SYCP1: variants seen among roughly 807,000 people sequenced by gnomAD.
The protein encoded by SYCP1 is synaptonemal complex protein 1.
Under a neutral mutation model 153.1 loss-of-function variants are expected in SYCP1, and 64 were observed. The observed-to-expected ratio is 0.42, with a 90% CI of 0.34 to 0.51. SYCP1 has a LOEUF of 0.51. SYCP1 is among the 20% of genes least tolerant of loss of function. The probability of loss-of-function intolerance (pLI) is 0.06; values close to 1 mark genes in which losing one functional copy is unlikely to be tolerated. For missense variants in SYCP1, 997 were observed against 1,049.0 expected, an observed-to-expected ratio of 0.95 and a Z score of 0.68; for synonymous variants, 384 against 341.8, an observed-to-expected ratio of 1.12 and a Z score of -1.36.
At position 114,981,012 on chromosome 1, in the gene SYCP1, C is replaced by T. The variant is rs577357317; in HGVS notation, c.2383-324C>T. Reference sequence around the variant, plus strand: ...ATGTGTTCTCATGATTTAGCTCCCACTTATAAATGAGTCCATGTGGTATTT... The same window carrying T: ...ATGTGTTCTCATGATTTAGCTCCCATTTATAAATGAGTCCATGTGGTATTT... On this transcript the variant is annotated intron_variant, in intron 28 of 31. Coordinates refer to ENST00000369522, the MANE Select transcript of SYCP1 (RefSeq NM_003176.4). 1.6e-4 allele frequency among the ~76,000 whole-genome samples: 25 copies of T among 151,998 alleles called. No homozygotes were observed. In the South Asian group the frequency reaches 2.5e-3, roughly 15 times the overall value.
At chr1:114,873,784 G>A (rs576424438) in intron 8 of SYCP1, among the ~76,000 whole-genome samples, 19 of 152,212 alleles carry the variant, frequency 1.2e-4, no homozygotes, top group Admixed American at 1.2e-3. Flanking sequence ...TTGAGATAGA[G>A]TCTCACTCTG....
Position 114,965,805 on chromosome 1 carries a change from T to C in SYCP1, c.2323-11752T>C, listed in dbSNP as rs1672087397. Among the ~76,000 whole-genome samples the C allele has an allele frequency of 2.0e-5, 3 of 152,166 alleles. No homozygotes were observed. The South Asian group carries it at 6.2e-4, about 32-fold the overall frequency. ...TCATCAGGGATATTGGCCTGAAATT[T>C]TCCTTTTTTGTTGTGTCTCTGCCAG... On this transcript the variant is annotated intron_variant, in intron 27 of 31. Transcript: ENST00000369522.
Position 114,944,403 on chromosome 1 carries a change from A to G in SYCP1, c.1991A>G (p.Tyr664Cys), listed in dbSNP as rs1309121800. ...AAATTTGGAGAAATCACAGACACCT[A>G]TCAGAAAGAAATTGAGGACAAAAAG... The part of the protein sequence containing the change: ...KQKFGEITDT[Y>C]QKEIEDKKIS... The change falls in exon 24 of 32, where the codon TAT becomes TGT. Residue 664 changes from tyrosine (Y) to cysteine (C), a missense_variant. Physicochemically the swap from Tyr to Cys is radical, Grantham distance 194. Coordinates refer to ENST00000369522, the MANE Select transcript of SYCP1 (RefSeq NM_003176.4). 1.2e-6 allele frequency: 2 copies of G among 1,605,862 alleles called. No individual in the cohort carries two copies. The highest frequency in any genetic ancestry group is 1.7e-6 in the Non-Finnish European group (2 of 1,176,618).
chr1:114,990,010 A>G (rs1332488554), intron 30 of SYCP1, among the ~76,000 whole-genome samples: 1 of 151,956 alleles, frequency 6.6e-6, no homozygotes, highest in Non-Finnish European at 1.5e-5. Flanking sequence ...GGTCTAACAG[A>G]CATGTATAAC....
In SYCP1 at chr1:114,858,601, A is replaced by G; in HGVS notation, c.346A>G (p.Ile116Val). The G allele has an allele frequency of 6.2e-7, 1 of 1,613,106 alleles. No individual in the cohort carries two copies. The highest frequency in any genetic ancestry group is 8.5e-7 in the Non-Finnish European group (1 of 1,179,442). ...YSKLYKEAEK[I>V]KKWKVSTEAE... is the part of the protein sequence containing the mutation. Reference sequence around the variant, plus strand: ...AAAACTGTATAAGGAGGCTGAAAAGATAAAAAAATGGAAAGTAAGTACAGA... The same window carrying G: ...AAAACTGTATAAGGAGGCTGAAAAGGTAAAAAAATGGAAAGTAAGTACAGA... Residue 116 changes from isoleucine to valine, a missense_variant, in exon 6 of 32, where the codon ATA becomes GTA. This residue lies in a region of SYCP1 where 285 missense variants were observed against 366.1 expected (regional missense o/e 0.78). Coordinates refer to ENST00000369522, the MANE Select transcript of SYCP1 (RefSeq NM_003176.4).
At chr1:114,983,743 A>C (rs1400328262) in intron 29 of SYCP1, among the ~76,000 whole-genome samples, 1 of 151,522 alleles carries the variant, frequency 6.6e-6, no homozygotes, top group African/African-American at 2.4e-5. Context: ...AAGAATAAGC[A>C]CTCTCCAGGT....
intron 20 of SYCP1, among the ~76,000 whole-genome samples, chr1:114,920,458 T>A (rs1404024702): frequency 6.6e-6 from 1 of 152,108 alleles, no homozygotes; most frequent in Non-Finnish European, 1.5e-5. Context: ...ATTCTGCAAT[T>A]GTTGGATGAA....
At chr1:114,895,552 A>C (rs1667004571) in intron 16 of SYCP1, 43 bp downstream of exon 16, 1 of 1,090,694 alleles carries the variant, frequency 9.2e-7, no homozygotes, top group Non-Finnish European at 1.3e-6. Context: ...ATTACTTTTC[A>C]GAAGAATATT....
chr1:114,876,914 TATGA>T, intron 11 of SYCP1, 104 bp downstream of exon 11: 1 of 543,712 alleles, frequency 1.8e-6, no homozygotes, highest in Non-Finnish European at 2.8e-6. Context: ...GATAAATTCC[TATGA>T]GAGAATTTTA....
chr1:114,976,892 C>G (rs1297866195), intron 27 of SYCP1, among the ~76,000 whole-genome samples: 1 of 151,710 alleles, frequency 6.6e-6, no homozygotes, highest in Non-Finnish European at 1.5e-5. Context: ...GCCTAAAATT[C>G]TGCACACTTG....
intron 27 of SYCP1, among the ~76,000 whole-genome samples, chr1:114,957,991 T>TA (rs1671543973): frequency 6.6e-6 from 1 of 152,228 alleles, no homozygotes; most frequent in Non-Finnish European, 1.5e-5. Context: ...TTCCCATGTT[T>TA]ACTGTAGCAC....
Position 114,995,067 on chromosome 1 carries a change from A to G in SYCP1, c.*48A>G, listed in dbSNP as rs374536144. 4.9e-5 allele frequency: 73 copies of G among 1,493,636 alleles called. No homozygotes were observed. In the African/African-American group the frequency reaches 9.6e-4, roughly 20 times the overall value. 92.5% of individuals were successfully genotyped at this position (1,493,636 alleles called of 1,614,324 possible). A position where few individuals can be genotyped will look rare whatever the true frequency, so the allele number is the denominator to read the frequency against. ...AGGAGCCTAATAACGTGAAACTTAT[A>G]GTTAATATTTTGTTCTTATTTGCCA... On this transcript the variant is annotated 3_prime_UTR_variant, in exon 32 of 32. Coordinates refer to ENST00000369522, the MANE Select transcript of SYCP1 (RefSeq NM_003176.4).
At position 114,910,442 on chromosome 1, in the gene SYCP1, A is replaced by T; in HGVS notation, c.1366A>T (p.Ile456Phe). The T allele has an allele frequency of 6.2e-7, 1 of 1,605,996 alleles. No individual in the cohort carries two copies. Among genetic ancestry groups the T allele is most frequent in the Non-Finnish European group, 8.5e-7 (1 of 1,176,822 alleles). The change falls in exon 17 of 32, where the codon ATT (isoleucine) becomes TTT (phenylalanine). Residue 456 changes from isoleucine to phenylalanine, a missense_variant. Physicochemically the swap from Ile to Phe is conservative, Grantham distance 21 (BLOSUM62 0). This residue lies in a region of SYCP1 where 712 missense variants were observed against 682.9 expected (regional missense o/e 1.04). Transcript: ENST00000369522. The stretch of plus-strand genomic sequence containing the variant: ...ATATGAAAATAAACAATTTGAGAAG[A>T]TTGCTGAAGAATTAAAAGGAACAGA... ...LLYENKQFEK[I>F]AEELKGTEQE...
In SYCP1 at chr1:114,869,008, T is replaced by A. The variant is rs563270875; in HGVS notation, c.599-5498T>A. 3.3e-5 allele frequency among the ~76,000 whole-genome samples: 5 copies of A among 152,320 alleles called. No homozygotes were observed. The East Asian group carries it at 9.6e-4, about 29-fold the overall frequency. On this transcript the variant is annotated intron_variant, in intron 8 of 31. Coordinates refer to ENST00000369522, the MANE Select transcript of SYCP1 (RefSeq NM_003176.4). ...CCAGCTTTTGGTTTCATTGATTTTT[T>A]AAAATATTGATTTTCTGTTTCCACT... is the stretch of plus-strand genomic sequence containing the variant.
intron 27 of SYCP1, among the ~76,000 whole-genome samples, chr1:114,954,579 A>ATTTT (rs377482483): frequency 2.7e-4 from 40 of 146,040 alleles, no homozygotes; most frequent in East Asian, 1.8e-3. Context: ...TTATTTATTT[A>ATTTT]TTTTTTATTT....
intron 16 of SYCP1, among the ~76,000 whole-genome samples, chr1:114,895,853 G>C (rs540477734): frequency 1.2e-4 from 19 of 152,168 alleles, no homozygotes; most frequent in Admixed American, 8.5e-4. Flanking sequence ...TATATATTCA[G>C]TACCTATATT....
chr1:114,980,854 T>C (rs889459290), intron 28 of SYCP1, among the ~76,000 whole-genome samples: 7 of 151,962 alleles, frequency 4.6e-5, no homozygotes, highest in African/African-American at 1.7e-4. Flanking sequence ...CATGGGGGTT[T>C]GTTGTACAGA....
At chr1:114,980,650 TA>T (rs964902633) in intron 28 of SYCP1, among the ~76,000 whole-genome samples, 1 of 151,978 alleles carries the variant, frequency 6.6e-6, no homozygotes, top group Non-Finnish European at 1.5e-5. Flanking sequence ...TTCTGACTTT[TA>T]GGCTATTGTA....
intron 30 of SYCP1, among the ~76,000 whole-genome samples, chr1:114,990,157 A>G (rs1432045247): frequency 1.3e-5 from 2 of 151,966 alleles, no homozygotes; most frequent in Admixed American, 6.6e-5. Flanking sequence ...TTTGACCACA[A>G]TGGGATGCAG....
Sources: allele counts gnomAD v4.1 joint callset (sites outside exome capture counted in the v4.1 genomes callset), GRCh38; gene constraint gnomAD v4.1.1; regional missense constraint gnomAD v4.1.1; transcripts MANE v1.5; gene names NCBI Gene and HGNC (gene_info 2026-07-23, HGNC 2026-07-21).